The following GTF2E2 variants were observed in gnomAD, a reference collection of about 807,000 sequenced individuals.
GTF2E2 encodes general transcription factor IIE subunit 2.
GTF2E2 carries 21 observed loss-of-function variants against 40.5 expected under a neutral mutation model. The observed-to-expected ratio is 0.52, with a 90% confidence interval of 0.37 to 0.75. The LOEUF is 0.75. Ranked by LOEUF, GTF2E2 falls within the 30% of genes least tolerant of loss-of-function variation. The probability of loss-of-function intolerance (pLI) is 0.00; values close to 1 mark genes in which losing one functional copy is unlikely to be tolerated. For missense variants in GTF2E2, 298 were observed against 338.4 expected (o/e 0.88, Z 0.94); for synonymous variants, 117 against 121.6 (o/e 0.96, Z 0.25).
chr8:30,587,809 T>C (rs189281452), intron 6 of GTF2E2, among the ~76,000 whole-genome samples: 1 of 145,038 alleles, frequency 6.9e-6, no homozygotes, highest in East Asian at 2.0e-4. Context: ...GATACGGAGG[T>C]TGCAATGAGC....
At chr8:30,637,179 G>C (rs1801630712) in intron 2 of GTF2E2, 5 of 453,938 alleles carry the variant, frequency 1.1e-5, no homozygotes, top group Non-Finnish European at 2.2e-5. Flanking sequence ...TGGCCATTTT[G>C]TCAAAGTACA....
intron 6 of GTF2E2, among the ~76,000 whole-genome samples, chr8:30,592,156 T>C (rs543905636): frequency 1.5e-4 from 23 of 152,236 alleles, no homozygotes; most frequent in Non-Finnish European, 2.4e-4. Context: ...GGTAGGCAGA[T>C]CACTTGAGCC....
intron 6 of GTF2E2, among the ~76,000 whole-genome samples, chr8:30,592,975 C>A (rs549792490): frequency 1.3e-5 from 2 of 152,012 alleles, no homozygotes; most frequent in Non-Finnish European, 2.9e-5. Flanking sequence ...CTGAGGCAGG[C>A]GGGTCACTTG....
chr8:30,616,882 G>A (rs1215270390), intron 3 of GTF2E2, among the ~76,000 whole-genome samples: 1 of 152,004 alleles, frequency 6.6e-6, no homozygotes, highest in Non-Finnish European at 1.5e-5. Flanking sequence ...ATGAACCCTT[G>A]TATATAGGGA....
At chr8:30,601,280 T>A (rs1054024355) in intron 6 of GTF2E2, among the ~76,000 whole-genome samples, 7 of 152,210 alleles carry the variant, frequency 4.6e-5, no homozygotes, top group Non-Finnish European at 7.3e-5. Flanking sequence ...CACTGTGATC[T>A]TCTTCCACCA....
chr8:30,628,814 C>T (rs1801356823), intron 3 of GTF2E2, among the ~76,000 whole-genome samples: 1 of 151,980 alleles, frequency 6.6e-6, no homozygotes, highest in African/African-American at 2.4e-5. Context: ...GCCTGTAATC[C>T]CAGCTACTTA....
intron 6 of GTF2E2, among the ~76,000 whole-genome samples, chr8:30,582,789 T>C (rs916950497): frequency 6.6e-6 from 1 of 152,256 alleles, no homozygotes; most frequent in Non-Finnish European, 1.5e-5. Context: ...AGTGTCAACA[T>C]GGACCCGGTA....
chr8:30,581,114 A>T (rs923083604), intron 6 of GTF2E2, among the ~76,000 whole-genome samples: 10 of 152,210 alleles, frequency 6.6e-5, no homozygotes, highest in Non-Finnish European at 2.9e-5. Context: ...ACAGGTTCTG[A>T]TCACTGGTTT....
rs1055566853 is a variant in GTF2E2 at position 30,613,321 on chromosome 8, T to TTA, written c.367-841_367-840insTA. Among the ~76,000 whole-genome samples the TTA allele has an allele frequency of 5.3e-5, 8 of 152,300 alleles. No individual in the cohort carries two copies. In the East Asian group the frequency reaches 1.5e-3, roughly 29 times the overall value. On this transcript the variant is annotated intron_variant, in intron 4 of 7. Transcript: ENST00000355904. ...GGACCAGACTAGTGCATACAAGAAC[T>TTA]TTACCTATAATGTCAGCTTGAGAAT...
chr8:30,596,655 AAT>A (rs1829015217), intron 6 of GTF2E2, among the ~76,000 whole-genome samples: 1 of 151,940 alleles, frequency 6.6e-6, no homozygotes. Flanking sequence ...GTCCTGTCTC[AAT>A]AGTGTGTTGT....
chr8:30,627,352 C>T (rs964981596), intron 3 of GTF2E2, among the ~76,000 whole-genome samples: 1 of 148,292 alleles, frequency 6.7e-6, no homozygotes, highest in East Asian at 2.0e-4. Flanking sequence ...GTCTTCATAT[C>T]TGGAAACAAG....
At chr8:30,606,179 C>T (rs1159354633) in intron 6 of GTF2E2, among the ~76,000 whole-genome samples, 1 of 152,164 alleles carries the variant, frequency 6.6e-6, no homozygotes, top group Non-Finnish European at 1.5e-5. Flanking sequence ...ATATTCTGCA[C>T]ATTTTTATTT....
chr8:30,624,412 T>C (rs1200633365), intron 3 of GTF2E2, among the ~76,000 whole-genome samples: 1 of 152,160 alleles, frequency 6.6e-6, no homozygotes, highest in African/African-American at 2.4e-5. Context: ...TTGGTTACTG[T>C]AGCCTTGTAG....
intron 3 of GTF2E2, among the ~76,000 whole-genome samples, chr8:30,618,072 A>G (rs2978276): frequency 0.81 from 123,563 of 152,144 alleles, 50,877 homozygotes; most frequent in African/African-American, 0.93. Context: ...GCCGAGGCAG[A>G]TGGATCTTGA....
At chr8:30,642,470 T>C (rs1801880547) in intron 2 of GTF2E2, among the ~76,000 whole-genome samples, 1 of 152,174 alleles carries the variant, frequency 6.6e-6, no homozygotes, top group Non-Finnish European at 1.5e-5. Flanking sequence ...ATAGATGATT[T>C]ACTTTGGTTT....
At position 30,578,631 on chromosome 8, in the gene GTF2E2, C is replaced by T. The variant is rs1470326289; in HGVS notation, c.*290G>A. ...AAGTAACAAACGAGGAAGAAAGGAACCAGGAACCATTTAGAAGTGGAGAAA... is the reference window on the plus strand; with the variant it reads ...AAGTAACAAACGAGGAAGAAAGGAATCAGGAACCATTTAGAAGTGGAGAAA... On this transcript the variant is annotated 3_prime_UTR_variant, in exon 8 of 8. Transcript: ENST00000355904. 4.2e-6 allele frequency: 1 copy of T among 237,936 alleles called. No homozygotes were observed. Among genetic ancestry groups the T allele is most frequent in the Non-Finnish European group, 8.2e-6 (1 of 122,688 alleles). The allele number at this position is 237,936 out of a possible 1,614,324, so 14.7% of individuals were successfully genotyped here.
At chr8:30,587,176 C>T (rs184404253) in intron 6 of GTF2E2, among the ~76,000 whole-genome samples, 67 of 152,076 alleles carry the variant, frequency 4.4e-4, no homozygotes, top group Admixed American at 7.2e-4. Flanking sequence ...TTTGGGAGGG[C>T]GAGGCAGGAA....
rs1214113999 is a variant in GTF2E2 at position 30,645,277 on chromosome 8, A to T, written c.166+8156T>A. ...CATAAATTCATTTTCTACCTTTTTT[A>T]TAGATTCAAAAGAGCAAGTGGAATC... On this transcript the variant is annotated intron_variant, in intron 2 of 7. Transcript: ENST00000355904. 3 of 1,507,578 alleles carry T rather than the reference A, an allele frequency of 2.0e-6. No individual in the cohort carries two copies. In the East Asian group the frequency reaches 7.4e-5, roughly 37 times the overall value. The allele number at this position is 1,507,578 out of a possible 1,614,324, so 93.4% of individuals were successfully genotyped here.
intron 2 of GTF2E2, among the ~76,000 whole-genome samples, chr8:30,641,368 G>C (rs1801820654): frequency 6.6e-6 from 1 of 152,018 alleles, no homozygotes; most frequent in Non-Finnish European, 1.5e-5. Flanking sequence ...ATTTGTTTTG[G>C]TTTGGTTTTT....
Sources: allele counts gnomAD v4.1 joint callset (sites outside exome capture counted in the v4.1 genomes callset), GRCh38; gene constraint gnomAD v4.1.1; transcripts MANE v1.5; gene names NCBI Gene and HGNC (gene_info 2026-07-23, HGNC 2026-07-21).